CACNA1B: variants seen among roughly 807,000 people sequenced by gnomAD.
CACNA1B encodes the protein voltage-dependent N-type calcium channel subunit alpha-1B.
In CACNA1B, 70 loss-of-function variants were observed where a neutral mutation model predicts 247.2. The observed-to-expected ratio is 0.28, with a 90% CI of 0.23 to 0.35. The LOEUF is 0.35. CACNA1B is among the 10% of genes least tolerant of loss of function. CACNA1B has a pLI of 1.00. For synonymous variants in CACNA1B, 1,231 were observed against 1,294.4 expected (o/e 0.95, Z 1.05); for missense variants, 2,367 against 3,197.4 (o/e 0.74, Z 6.26).
intron 3 of CACNA1B, among the ~76,000 whole-genome samples, chr9:137,884,813 G>T (rs1956981198): frequency 6.6e-6 from 1 of 151,928 alleles, no homozygotes; most frequent in Non-Finnish European, 1.5e-5. Flanking sequence ...CAAGCCATGG[G>T]CAGGACCCCT....
chr9:137,966,834 A>G (rs773545606), intron 10 of CACNA1B, among the ~76,000 whole-genome samples: 31 of 152,162 alleles, frequency 2.0e-4, no homozygotes, highest in South Asian at 4.1e-4. Flanking sequence ...CACCGCACCC[A>G]GCCAATTTTT....
At chr9:137,958,684 C>T (rs781221679) in intron 10 of CACNA1B, among the ~76,000 whole-genome samples, 1 of 152,164 alleles carries the variant, frequency 6.6e-6, no homozygotes, top group Non-Finnish European at 1.5e-5. Context: ...GGCAGATTCC[C>T]AGGAGCAGGT....
chr9:137,997,301 ATCAGGGG>A (rs1958512123), intron 15 of CACNA1B, among the ~76,000 whole-genome samples: 2 of 152,232 alleles, frequency 1.3e-5, no homozygotes, highest in Non-Finnish European at 2.9e-5. Flanking sequence ...TTACAGTAGT[ATCAGGGG>A]TCTTAGCACA....
intron 10 of CACNA1B, among the ~76,000 whole-genome samples, chr9:137,963,004 G>A (rs554630444): frequency 6.6e-6 from 1 of 152,262 alleles, no homozygotes; most frequent in South Asian, 2.1e-4. Context: ...CATTGTTATT[G>A]TGTGAGAGTC....
In CACNA1B at chr9:137,882,166, TG is replaced by T. The variant is rs917845209; in HGVS notation, c.391-576del. ...GCATGTTGAATGCATAAACGGGGCC[TG>T]GACTGAGTTCAAGAAAGCCTGAGCT... is the stretch of plus-strand genomic sequence containing the variant. On this transcript the variant is annotated intron_variant, in intron 2 of 46. Transcript: ENST00000371372. The surrounding 1 kb of genome is among the most constrained non-coding windows in gnomAD (Gnocchi z 4.0). Among the ~76,000 whole-genome samples the T allele has an allele frequency of 1.2e-4, 19 of 152,182 alleles. No homozygotes were observed. The highest frequency in any genetic ancestry group is 2.1e-4 in the Non-Finnish European group (14 of 68,038).
chr9:137,953,101 TG>T (rs1957898159), intron 7 of CACNA1B, among the ~76,000 whole-genome samples: 1 of 152,080 alleles, frequency 6.6e-6, no homozygotes, highest in Admixed American at 6.5e-5. Flanking sequence ...CATGGCCAGG[TG>T]GGCCTGTGGG....
chr9:138,050,368 A>T lies in CACNA1B; in HGVS notation c.3710+1053A>T, dbSNP rs1959232838. ...CTGGAGGCTGGGGCCATTGGCCTGG[A>T]GGGCAGCAAGGGCTCCGGGAGGGAA... On this transcript the variant is annotated intron_variant, in intron 24 of 46. Transcript: ENST00000371372. The surrounding 1 kb of genome is among the most constrained non-coding windows in gnomAD (Gnocchi z 5.2). Among the ~76,000 whole-genome samples the T allele has an allele frequency of 6.6e-6, 1 of 152,104 alleles. No individual in the cohort carries two copies. The highest frequency in any genetic ancestry group is 2.4e-5 in the African/African-American group (1 of 41,414).
At position 137,976,038 on chromosome 9, in the gene CACNA1B, CA is replaced by C. The variant is rs759213886; in HGVS notation, c.1656+20del. On this transcript the variant is annotated intron_variant, in intron 12 of 46. Transcript: ENST00000371372. ...CTTTGGGGTGAGTGAGAGGCCTGAT[CA>C]GGGGCCCAGGCTGTATCCTTTCCTG... 1 of 1,406,038 alleles carries C rather than the reference CA, an allele frequency of 7.1e-7. No homozygotes were observed. The highest frequency in any genetic ancestry group is 1.0e-6 in the Non-Finnish European group (1 of 991,958). The allele number at this position is 1,406,038 out of a possible 1,614,324, so 87.1% of individuals were successfully genotyped here. A position where few individuals can be genotyped will look rare whatever the true frequency, so the allele number is the denominator to read the frequency against.
chr9:138,099,210 A>G (rs1961160767), intron 37 of CACNA1B, among the ~76,000 whole-genome samples: 1 of 152,214 alleles, frequency 6.6e-6, no homozygotes. Context: ...CACTCTGTGC[A>G]TGTGTACATG....
chr9:138,023,013 G>A lies in CACNA1B; in HGVS notation c.2270G>A (p.Arg757Lys). The A allele has an allele frequency of 2.0e-6, 3 of 1,506,992 alleles. No individual in the cohort carries two copies. The highest frequency in any genetic ancestry group is 5.2e-5 in the East Asian group (2 of 38,146). The allele number at this position is 1,506,992 out of a possible 1,614,324, so 93.4% of individuals were successfully genotyped here. A position where few individuals can be genotyped will look rare whatever the true frequency, so the allele number is the denominator to read the frequency against. The change falls in exon 19 of 47, where the codon AGG (arginine) becomes AAG (lysine). Residue 757 changes from arginine (R) to lysine (K), a missense_variant and splice_region_variant. Coordinates refer to ENST00000371372, the MANE Select transcript of CACNA1B (RefSeq NM_000718.4). Reference sequence around the variant, plus strand: ...GCTCACCGCCAGTCTCCCCGCAGCAGGCAGCAGAACTCGGCCAAGGCGCGC... The same window carrying A: ...GCTCACCGCCAGTCTCCCCGCAGCAAGCAGCAGAACTCGGCCAAGGCGCGC... ...MSAANISIAA[R>K]QQNSAKARSV...
chr9:138,085,244 C>T (rs1187728062), intron 36 of CACNA1B, among the ~76,000 whole-genome samples: 1 of 150,296 alleles, frequency 6.7e-6, no homozygotes, highest in Non-Finnish European at 1.5e-5. Flanking sequence ...AAAATAAAAA[C>T]TAACAATAGA....
At chr9:138,094,919 G>C (rs1369606659) in intron 36 of CACNA1B, among the ~76,000 whole-genome samples, 2 of 152,154 alleles carry the variant, frequency 1.3e-5, no homozygotes, top group Non-Finnish European at 2.9e-5. Flanking sequence ...ACATGCAAAA[G>C]AATGAGGTTG....
chr9:138,106,469 C>T (rs1426128052), intron 39 of CACNA1B, among the ~76,000 whole-genome samples: 1 of 152,214 alleles, frequency 6.6e-6, no homozygotes, highest in Non-Finnish European at 1.5e-5. Flanking sequence ...CCGATTATTT[C>T]CTCCATCTTC....
intron 8 of CACNA1B, among the ~76,000 whole-genome samples, chr9:137,956,065 C>T (rs1209516936): frequency 1.3e-5 from 2 of 152,198 alleles, no homozygotes; most frequent in African/African-American, 4.8e-5. Flanking sequence ...CTGGTCTCTC[C>T]CCATTAGTGT....
At position 137,974,965 on chromosome 9, in the gene CACNA1B, A is replaced by C. The variant is rs1234421675; in HGVS notation, c.1544-942A>C. On this transcript the variant is annotated intron_variant, in intron 11 of 46. Coordinates refer to ENST00000371372, the MANE Select transcript of CACNA1B (RefSeq NM_000718.4). This position sits in a 1 kb window ranked among gnomAD's most constrained non-coding sequence, Gnocchi z 4.5. ...CCCAACCCTTTGGGAGGAGAGTCAG[A>C]GACAGTGGCCTCACCCTGACGCCTA... Among the ~76,000 whole-genome samples, 1 of 152,190 alleles carries C rather than the reference A, an allele frequency of 6.6e-6. No homozygotes were observed. Among genetic ancestry groups the C allele is most frequent in the African/African-American group, 2.4e-5 (1 of 41,452 alleles).
chr9:138,065,120 C>T (rs900337318), intron 31 of CACNA1B, among the ~76,000 whole-genome samples: 5 of 152,196 alleles, frequency 3.3e-5, no homozygotes, highest in Non-Finnish European at 5.9e-5. Flanking sequence ...CAGGTGCCCT[C>T]GCCAGGGTAT....
In CACNA1B at chr9:138,059,733, T is replaced by C. The variant is rs770246490; in HGVS notation, c.4664T>C (p.Ile1555Thr). The C allele has an allele frequency of 1.3e-6, 2 of 1,585,074 alleles. No homozygotes were observed. Among genetic ancestry groups the C allele is most frequent in the East Asian group, 2.2e-5 (1 of 44,748 alleles). The change falls in exon 31 of 47, where the codon ATT becomes ACT. Residue 1555 changes from isoleucine to threonine, a missense_variant. This residue lies in a region of CACNA1B where 436 missense variants were observed against 679.5 expected (regional missense o/e 0.64). Coordinates refer to ENST00000371372, the MANE Select transcript of CACNA1B (RefSeq NM_000718.4). The surrounding 1 kb of genome is among the most constrained non-coding windows in gnomAD (Gnocchi z 4.2). ...ATTACTGATATTTTAGTAACAGAGA[T>C]TGCGGTAAGTAGCATTTCTGTCCCT... Reference protein sequence around the residue: ...GSITDILVTEIAETNNFINLS... With the variant: ...GSITDILVTETAETNNFINLS...
intron 6 of CACNA1B, among the ~76,000 whole-genome samples, chr9:137,928,625 A>G (rs1284977145): frequency 6.6e-6 from 1 of 152,204 alleles, no homozygotes; most frequent in African/African-American, 2.4e-5. Context: ...TTTTGCTGCA[A>G]TATAATCTGT....
intron 3 of CACNA1B, among the ~76,000 whole-genome samples, chr9:137,883,786 G>C (rs1373763243): frequency 6.6e-6 from 1 of 152,180 alleles, no homozygotes; most frequent in Admixed American, 6.5e-5. Context: ...TTATGGTTCC[G>C]AGGCTCAGAG....
Sources: allele counts gnomAD v4.1 joint callset (sites outside exome capture counted in the v4.1 genomes callset), GRCh38; gene constraint gnomAD v4.1.1; regional missense constraint gnomAD v4.1.1; non-coding constraint Gnocchi (gnomAD v3.1); transcripts MANE v1.5; gene names NCBI Gene and HGNC (gene_info 2026-07-23, HGNC 2026-07-21).